The following TRIO variants were observed in gnomAD, a reference collection of about 807,000 sequenced individuals.
TRIO encodes the protein trio Rho guanine nucleotide exchange factor.
TRIO carries 58 observed loss-of-function variants against 351.9 expected under a neutral mutation model. That is an observed-to-expected ratio of 0.16 (90% confidence interval 0.13 to 0.21). TRIO has a LOEUF of 0.21. TRIO is among the 10% of genes least tolerant of loss of function. The probability of loss-of-function intolerance (pLI) is 1.00; values close to 1 mark genes in which losing one functional copy is unlikely to be tolerated. For missense variants in TRIO, 3,201 were observed against 4,027.8 expected, an observed-to-expected ratio of 0.79 and a Z score of 5.56; for synonymous variants, 1,758 against 1,595.7, an observed-to-expected ratio of 1.10 and a Z score of -2.42.
chr5:14,281,847 A>G (rs1215886208), intron 3 of TRIO, among the ~76,000 whole-genome samples: 1 of 152,212 alleles, frequency 6.6e-6, no homozygotes, highest in African/African-American at 2.4e-5. Flanking sequence ...GGAACATGTT[A>G]CAAGAGAATG....
chr5:14,490,870 A>G (rs574098439), intron 48 of TRIO: 4 of 455,972 alleles, frequency 8.8e-6, no homozygotes, highest in South Asian at 4.6e-5. Flanking sequence ...TAATCTCAGT[A>G]CTCTTGGGCA....
At chr5:14,220,049 C>CT (rs35237881) in intron 1 of TRIO, among the ~76,000 whole-genome samples, 8,547 of 94,710 alleles carry the variant, frequency 0.09, 746 homozygotes, top group African/African-American at 0.24. Context: ...TCTTCTTCTT[C>CT]TTTTTTTTTT....
At chr5:14,236,563 GAGA>G (rs528900131) in intron 1 of TRIO, among the ~76,000 whole-genome samples, 115 of 152,274 alleles carry the variant, frequency 7.6e-4, no homozygotes, top group African/African-American at 2.6e-3. Context: ...GGTTTTAGGA[GAGA>G]AGAAGTAATC....
In TRIO at chr5:14,381,157, G is replaced by A; in HGVS notation, c.3475G>A (p.Glu1159Lys). ...QALEWIHDNG[E>K]FYLSTHTSTG... is the part of the protein sequence containing the mutation. The stretch of plus-strand genomic sequence containing the variant: ...TTTGGAATGGATCCATGACAATGGC[G>A]AGTTCTACCTTTCCACACACACCTC... The change falls in exon 21 of 57, where the codon GAG (glutamate) becomes AAG (lysine). Residue 1159 changes from glutamate to lysine, a missense_variant. Glu to Lys is a moderately conservative substitution (Grantham distance 56). This residue lies in a region of TRIO where 201 missense variants were observed against 266.5 expected (regional missense o/e 0.75). Coordinates refer to ENST00000344204, the MANE Select transcript of TRIO (RefSeq NM_007118.4). 6.2e-7 allele frequency: 1 copy of A among 1,614,044 alleles called. No homozygotes were observed. The highest frequency in any genetic ancestry group is 8.5e-7 in the Non-Finnish European group (1 of 1,179,998).
intron 30 of TRIO, chr5:14,399,369 C>G: frequency 2.4e-6 from 1 of 421,252 alleles, no homozygotes; most frequent in Non-Finnish European, 4.2e-6. Flanking sequence ...GTGTGCTTAA[C>G]TAGCTTTATA....
In TRIO at chr5:14,389,275, T is replaced by A; in HGVS notation, c.3949-14T>A. ...TGATTATTTTTGTCTAATCCCTGTT[T>A]CCCTCTCGGCTAGACGTACCTGTGG... On this transcript the variant is annotated splice_polypyrimidine_tract_variant and intron_variant, in intron 24 of 56. Transcript: ENST00000344204. The A allele has an allele frequency of 6.3e-7, 1 of 1,583,950 alleles. No homozygotes were observed. Among genetic ancestry groups the A allele is most frequent in the Non-Finnish European group, 8.6e-7 (1 of 1,167,826 alleles).
rs1465615917 is a variant in TRIO at position 14,502,615 on chromosome 5, A to G, written c.8369A>G (p.Asp2790Gly). The change falls in exon 54 of 57, where the codon GAC becomes GGC. Residue 2790 changes from aspartate to glycine, a missense_variant. Coordinates refer to ENST00000344204, the MANE Select transcript of TRIO (RefSeq NM_007118.4). The stretch of plus-strand genomic sequence containing the variant: ...GATGGGATCATGGTGACCTGGAAAG[A>G]CAACTTTGACTCCTTCTACAGTGAA... Reference protein sequence around the residue: ...GMDGIMVTWKDNFDSFYSEVA... With the variant: ...GMDGIMVTWKGNFDSFYSEVA... 1.9e-6 allele frequency: 3 copies of G among 1,614,246 alleles called. No homozygotes were observed. The East Asian group carries it at 6.7e-5, about 36-fold the overall frequency.
At chr5:14,369,012 C>T in intron 17 of TRIO, 113 bp downstream of exon 17, 4 of 1,330,492 alleles carry the variant, frequency 3.0e-6, no homozygotes, top group Non-Finnish European at 3.1e-6. Flanking sequence ...CAATCAGTTG[C>T]CAGTCAAGCA....
At chr5:14,167,495 G>T (rs1788840521) in intron 1 of TRIO, among the ~76,000 whole-genome samples, 1 of 152,134 alleles carries the variant, frequency 6.6e-6, no homozygotes, top group South Asian at 2.1e-4. Flanking sequence ...TTTCTATAAA[G>T]CAGGATTCCA....
At chr5:14,500,571 C>T (rs148878433) in intron 53 of TRIO, among the ~76,000 whole-genome samples, 20 of 152,238 alleles carry the variant, frequency 1.3e-4, no homozygotes, top group Non-Finnish European at 2.1e-4. Flanking sequence ...CCTGTCATCC[C>T]ACCAGCCAGG....
intron 8 of TRIO, 86 bp from the exon 9 acceptor site, chr5:14,316,427 C>T: frequency 1.5e-6 from 2 of 1,378,760 alleles, no homozygotes; most frequent in Non-Finnish European, 2.0e-6. Context: ...TGTATGTGCA[C>T]ACACATGTAT....
intron 2 of TRIO, among the ~76,000 whole-genome samples, chr5:14,275,942 A>C (rs1735472342): frequency 6.8e-6 from 1 of 146,066 alleles, no homozygotes; most frequent in African/African-American, 2.5e-5. Flanking sequence ...ATGTGTGTCT[A>C]TATATATACA....
Position 14,488,437 on chromosome 5 carries a change from ACTC to A in TRIO, c.7632+180_7632+182del, listed in dbSNP as rs1280698114. On this transcript the variant is annotated intron_variant, in intron 48 of 56. Coordinates refer to ENST00000344204, the MANE Select transcript of TRIO (RefSeq NM_007118.4). ...GGGCCGGCCCACGGCGCTACTAACT[ACTC>A]CTTGCTTTGTTCGTGTCTTCTAATA... 1.1e-5 allele frequency: 9 copies of A among 850,210 alleles called. No homozygotes were observed. In the East Asian group the frequency reaches 1.7e-4, roughly 16 times the overall value. 52.7% of individuals were successfully genotyped at this position (850,210 alleles called of 1,614,324 possible).
intron 1 of TRIO, among the ~76,000 whole-genome samples, chr5:14,174,342 C>A (rs1257899335): frequency 6.6e-6 from 1 of 152,198 alleles, no homozygotes; most frequent in African/African-American, 2.4e-5. Flanking sequence ...CCCCACCTCA[C>A]CCCAAGAGGA....
chr5:14,388,517 T>C, intron 23 of TRIO, 96 bp from the exon 24 acceptor site: 1 of 1,236,184 alleles, frequency 8.1e-7, no homozygotes, highest in Non-Finnish European at 1.2e-6. Context: ...AGACTAATAC[T>C]TTTAGACCCA....
chr5:14,508,523 A>G lies in TRIO; in HGVS notation c.*101A>G. 7.1e-7 allele frequency: 1 copy of G among 1,415,082 alleles called. No homozygotes were observed. Among genetic ancestry groups the G allele is most frequent in the Non-Finnish European group, 9.6e-7 (1 of 1,044,138 alleles). 87.7% of individuals were successfully genotyped at this position (1,415,082 alleles called of 1,614,324 possible). The stretch of plus-strand genomic sequence containing the variant: ...CAAACATAACTGATCAGCTGCCGGT[A>G]TGTTCATCGTGTGAAATTGCATTCC... On this transcript the variant is annotated 3_prime_UTR_variant, in exon 57 of 57. Transcript: ENST00000344204.
intron 1 of TRIO, among the ~76,000 whole-genome samples, chr5:14,174,595 A>C (rs747548319): frequency 1.3e-5 from 2 of 152,198 alleles, no homozygotes; most frequent in African/African-American, 4.8e-5. Context: ...TACAACACAC[A>C]CAAGGCTGCG....
intron 13 of TRIO, among the ~76,000 whole-genome samples, chr5:14,362,760 C>T (rs923390569): frequency 2.6e-5 from 4 of 152,146 alleles, no homozygotes; most frequent in Non-Finnish European, 4.4e-5. Context: ...ACCCTGAGGC[C>T]GGTTCAGGCA....
chr5:14,177,517 A>G (rs1314215951), intron 1 of TRIO, among the ~76,000 whole-genome samples: 2 of 152,216 alleles, frequency 1.3e-5, no homozygotes, highest in East Asian at 1.9e-4. Flanking sequence ...AGGATAGCCC[A>G]GGATTCTTGT....
Sources: gnomAD v4.1 joint callset for allele counts (sites outside exome capture counted in the v4.1 genomes callset) on GRCh38, gnomAD v4.1.1 for gene constraint, gnomAD v4.1.1 regional missense constraint, MANE v1.5 for transcripts, NCBI Gene and HGNC (gene_info 2026-07-23, HGNC 2026-07-21) for gene names.